CRTC3: variants seen among roughly 807,000 people sequenced by gnomAD.
CRTC3 encodes CREB-regulated transcription coactivator 3.
A neutral mutation model predicts 74.5 loss-of-function variants in CRTC3; 26 were observed. The observed-to-expected ratio is 0.35, with a 90% confidence interval of 0.26 to 0.48. The LOEUF is 0.48. Among genes scored for constraint, CRTC3 ranks in the 20% least tolerant of loss-of-function variants. The pLI is 0.99. For synonymous variants in CRTC3, 377 were observed against 325.8 expected, an observed-to-expected ratio of 1.16 and a Z score of -1.69; for missense variants, 760 against 787.3, an observed-to-expected ratio of 0.97 and a Z score of 0.41.
chr15:90,641,822 G>C (rs368328821), intron 14 of CRTC3, 110 bp from the exon 15 acceptor site: 1 of 827,150 alleles, frequency 1.2e-6, no homozygotes. Context: ...GGGTGGTCAG[G>C]ATGTGTGGGA....
intron 14 of CRTC3, 118 bp from the exon 15 acceptor site, chr15:90,641,814 G>A (rs193273990): frequency 1.1e-5 from 8 of 749,338 alleles, no homozygotes; most frequent in Non-Finnish European, 1.6e-5. Context: ...GGGCCTGGGG[G>A]TGGTCAGGAT....
intron 5 of CRTC3, among the ~76,000 whole-genome samples, chr15:90,605,451 C>T (rs776837979): frequency 5.2e-4 from 79 of 152,060 alleles, no homozygotes; most frequent in Non-Finnish European, 6.3e-4. Flanking sequence ...AGTTTAAGGC[C>T]GACGAGAACC....
intron 2 of CRTC3, among the ~76,000 whole-genome samples, chr15:90,566,790 A>G (rs1967132878): frequency 1.3e-5 from 2 of 150,510 alleles, no homozygotes; most frequent in Admixed American, 1.3e-4. Context: ...AGCTCACTGC[A>G]ACATCCACCT....
At chr15:90,545,400 ATTTTTT>A (rs35381855) in intron 2 of CRTC3, among the ~76,000 whole-genome samples, 2 of 138,000 alleles carry the variant, frequency 1.4e-5, no homozygotes, top group African/African-American at 5.5e-5. Context: ...TGTGGTTTTA[ATTTTTT>A]TTTTTTTTTT....
intron 3 of CRTC3, 122 bp downstream of exon 3, chr15:90,593,877 C>A: frequency 3.0e-6 from 3 of 1,000,146 alleles, no homozygotes; most frequent in Non-Finnish European, 4.2e-6. Context: ...TGAAAGGAGG[C>A]AATACAAATA....
chr15:90,607,360 C>G lies in CRTC3; in HGVS notation c.477-18C>G. On this transcript the variant is annotated intron_variant, in intron 5 of 14. Transcript: ENST00000268184. ...AGGAAAACGGATTTTCAGCCAGCCT[C>G]TCTCCTCCCCTCCTTAGGACCAATT... The G allele has an allele frequency of 5.9e-6, 9 of 1,517,868 alleles. No individual in the cohort carries two copies. The highest frequency in any genetic ancestry group is 1.7e-4 in the Middle Eastern group (1 of 5,858). 94.0% of individuals were successfully genotyped at this position (1,517,868 alleles called of 1,614,324 possible).
intron 2 of CRTC3, among the ~76,000 whole-genome samples, chr15:90,587,200 A>G (rs762224185): frequency 6.6e-6 from 1 of 152,194 alleles, no homozygotes; most frequent in African/African-American, 2.4e-5. Flanking sequence ...TTCAGATGCT[A>G]TGTGATAGGT....
At chr15:90,619,533 T>C (rs1030227899) in intron 8 of CRTC3, among the ~76,000 whole-genome samples, 2 of 152,160 alleles carry the variant, frequency 1.3e-5, no homozygotes, top group African/African-American at 4.8e-5. Flanking sequence ...ATTAGGAAAA[T>C]GTATTAATAT....
intron 9 of CRTC3, 35 bp from the exon 10 acceptor site, chr15:90,625,741 T>C (rs1968810689): frequency 1.5e-5 from 24 of 1,573,270 alleles, no homozygotes; most frequent in East Asian, 1.1e-4. Flanking sequence ...GCCAAATACA[T>C]TGTAGAAAGT....
chr15:90,533,298 G>GGAGGCTGCGGCAGGAGA (rs1411031536), intron 1 of CRTC3, among the ~76,000 whole-genome samples: 3 of 151,354 alleles, frequency 2.0e-5, no homozygotes, highest in African/African-American at 7.3e-5. Context: ...CAGCTACTCG[G>GGAGGCTGCGGCAGGAGA]GAGGCTGCGG....
At chr15:90,613,469 C>T (rs1324148766) in intron 6 of CRTC3, among the ~76,000 whole-genome samples, 1 of 152,172 alleles carries the variant, frequency 6.6e-6, no homozygotes, top group African/African-American at 2.4e-5. Flanking sequence ...ATATCTTCTA[C>T]CTGTGTTATA....
At chr15:90,618,394 T>G (rs1262648618) in intron 8 of CRTC3, among the ~76,000 whole-genome samples, 1 of 152,314 alleles carries the variant, frequency 6.6e-6, no homozygotes, top group South Asian at 2.1e-4. Context: ...GCATTTGACC[T>G]GAGTCCTCCA....
intron 2 of CRTC3, among the ~76,000 whole-genome samples, chr15:90,582,954 C>T (rs186251119): frequency 7.7e-4 from 118 of 152,264 alleles, no homozygotes; most frequent in African/African-American, 2.8e-3. Context: ...TTTTCTTGAG[C>T]AGGATCCCCC....
At chr15:90,580,092 T>C (rs1967502341) in intron 2 of CRTC3, among the ~76,000 whole-genome samples, 1 of 152,184 alleles carries the variant, frequency 6.6e-6, no homozygotes, top group Admixed American at 6.5e-5. Flanking sequence ...TTTCTCCTTA[T>C]TTATTTTTTA....
In CRTC3 at chr15:90,633,945, C is replaced by T. The variant is rs1341265375; in HGVS notation, c.1266+4413C>T. On this transcript the variant is annotated intron_variant, in intron 11 of 14. Coordinates refer to ENST00000268184, the MANE Select transcript of CRTC3 (RefSeq NM_022769.5). The stretch of plus-strand genomic sequence containing the variant: ...TTCTCTGAGTGTTCTTTTTTAATAG[C>T]ATCATACTTATTCCACAGATGCAAT... Among the ~76,000 whole-genome samples the T allele has an allele frequency of 2.0e-5, 3 of 151,792 alleles. 1 individual carries two copies. The highest frequency in any genetic ancestry group is 4.4e-5 in the Non-Finnish European group (3 of 67,968).
chr15:90,556,475 C>T (rs1966892547), intron 2 of CRTC3, among the ~76,000 whole-genome samples: 1 of 152,096 alleles, frequency 6.6e-6, no homozygotes, highest in Non-Finnish European at 1.5e-5. Context: ...TCTGACGTTC[C>T]AAGTGTATGT....
intron 1 of CRTC3, among the ~76,000 whole-genome samples, chr15:90,536,168 C>T (rs892521599): frequency 2.0e-4 from 30 of 152,144 alleles, no homozygotes; most frequent in African/African-American, 7.0e-4. Context: ...GACAATAGCA[C>T]ACTGTCTGTA....
At chr15:90,533,945 A>G (rs1431243830) in intron 1 of CRTC3, among the ~76,000 whole-genome samples, 1 of 151,904 alleles carries the variant, frequency 6.6e-6, no homozygotes, top group Admixed American at 6.6e-5. Context: ...TGAGGAGGGG[A>G]TGTGAGATGA....
intron 1 of CRTC3, among the ~76,000 whole-genome samples, chr15:90,533,945 ATG>A (rs960914730): frequency 7.9e-5 from 12 of 151,904 alleles, no homozygotes; most frequent in African/African-American, 2.9e-4. Flanking sequence ...TGAGGAGGGG[ATG>A]TGAGATGAGG....
Sources: gnomAD v4.1 joint callset for allele counts (sites outside exome capture counted in the v4.1 genomes callset) on GRCh38, gnomAD v4.1.1 for gene constraint, MANE v1.5 for transcripts, NCBI Gene and HGNC (gene_info 2026-07-23, HGNC 2026-07-21) for gene names.